Variants in GRK1 observed in about 807,000 individuals in gnomAD.
GRK1 encodes the protein G protein-coupled receptor kinase 1.
GRK1 carries 28 observed loss-of-function variants against 41.7 expected under a neutral mutation model. That is an observed-to-expected ratio of 0.67 (90% CI 0.50 to 0.92). GRK1 has a LOEUF of 0.92. GRK1 is among the 40% of genes least tolerant of loss of function. The pLI, the probability that GRK1 is intolerant of heterozygous loss-of-function variation, is 0.00. For missense variants in GRK1, 703 were observed against 671.2 expected (o/e 1.05, Z -0.52); for synonymous variants, 327 against 286.7 (o/e 1.14, Z -1.42).
At chr13:113,728,239 T>G (rs867595494) in intron 4 of GRK1, among the ~76,000 whole-genome samples, 29 of 53,046 alleles carry the variant, frequency 5.5e-4, no homozygotes, top group East Asian at 9.6e-4. Flanking sequence ...TGGCGAGGAG[T>G]ACCCATGGCG....
intron 4 of GRK1, among the ~76,000 whole-genome samples, chr13:113,727,966 G>GACCCATGGCGATGAGGAGT (rs1566696787): frequency 1.4e-4 from 9 of 63,080 alleles, no homozygotes; most frequent in Admixed American, 6.2e-4. Context: ...TGGTGATGAG[G>GACCCATGGCGATGAGGAGT]ACCCATGGCG....
At chr13:113,650,175 A>C in the GRK1 span, among the ~76,000 whole-genome samples, 1 of 152,132 alleles carries the variant, frequency 6.6e-6, no homozygotes, top group Non-Finnish European at 1.5e-5. The surrounding 1 kb of genome is among the most constrained non-coding windows in gnomAD (Gnocchi z 5.0). Context: ...TCTCAAAAAA[A>C]AAAAAAAAAG....
intron 4 of GRK1, among the ~76,000 whole-genome samples, chr13:113,727,303 A>G (rs1205325712): frequency 6.6e-6 from 1 of 152,248 alleles, no homozygotes; most frequent in African/African-American, 2.4e-5. Flanking sequence ...AAGAGGGCGG[A>G]GCACTCAGGG....
chr13:113,671,980 G>A lies in GRK1; in HGVS notation c.985+324G>A, dbSNP rs2049860628. Among the ~76,000 whole-genome samples, 1 of 152,026 alleles carries A rather than the reference G, an allele frequency of 6.6e-6. No individual in the cohort carries two copies. The highest frequency in any genetic ancestry group is 2.4e-5 in the African/African-American group (1 of 41,454). ...GGGTTTAGGCTCCCGACAGCGGCAGGTCAGGCAAGTGCGAGACACGTGCCA... is the reference window on the plus strand; with the variant it reads ...GGGTTTAGGCTCCCGACAGCGGCAGATCAGGCAAGTGCGAGACACGTGCCA... On this transcript the variant is annotated intron_variant, in intron 3 of 6. Transcript: ENST00000335678. The surrounding 1 kb of genome is among the most constrained non-coding windows in gnomAD (Gnocchi z 4.1).
At chr13:113,670,798 CG>C (rs113977327) in intron 2 of GRK1, among the ~76,000 whole-genome samples, 7 of 138,444 alleles carry the variant, frequency 5.1e-5, no homozygotes, top group Admixed American at 1.5e-4. Flanking sequence ...AACGCAGACA[CG>C]GGGGTGCCCA....
Position 113,667,432 on chromosome 13 carries a change from A to G in GRK1, c.46A>G (p.Ile16Val), listed in dbSNP as rs551401463. The G allele has an allele frequency of 6.2e-7, 1 of 1,604,024 alleles. No individual in the cohort carries two copies. Among genetic ancestry groups the G allele is most frequent in the African/African-American group, 1.3e-5 (1 of 74,742 alleles). Residue 16 changes from isoleucine (I) to valine (V), a missense_variant, in exon 1 of 7, where the codon ATC becomes GTC. Coordinates refer to ENST00000335678, the MANE Select transcript of GRK1 (RefSeq NM_002929.3). The surrounding 1 kb of genome is among the most constrained non-coding windows in gnomAD (Gnocchi z 7.5). ...LETVVANSAF[I>V]AARGSFDGSS... ...GACCGTGGTGGCCAACTCTGCCTTC[A>G]TCGCCGCCCGAGGCAGCTTTGACGG...
At chr13:113,657,609 G>A in the GRK1 span, among the ~76,000 whole-genome samples, 8 of 152,368 alleles carry the variant, frequency 5.3e-5, no homozygotes, top group East Asian at 7.7e-4. Flanking sequence ...CGGGTGTCCC[G>A]GAAAGGGGCT....
At chr13:113,648,292 CT>C in the GRK1 span, among the ~76,000 whole-genome samples, 25 of 152,342 alleles carry the variant, frequency 1.6e-4, 2 homozygotes, top group South Asian at 5.2e-3. Flanking sequence ...GGTTTTTAAT[CT>C]TTCTTCCAAG....
the GRK1 span, chr13:113,650,549 T>C: frequency 6.6e-7 from 1 of 1,521,588 alleles, no homozygotes; most frequent in Non-Finnish European, 9.0e-7. This position sits in a 1 kb window ranked among gnomAD's most constrained non-coding sequence, Gnocchi z 5.0. Context: ...CGGGAGCTGG[T>C]GTGTGCCGGT....
At chr13:113,733,996 G>C (rs2049980371) in intron 6 of GRK1, among the ~76,000 whole-genome samples, 1 of 130,200 alleles carries the variant, frequency 7.7e-6, no homozygotes, top group Non-Finnish European at 1.6e-5. Context: ...GTGCATACAT[G>C]TGTGTGCGTG....
At chr13:113,651,921 G>T in the GRK1 span, among the ~76,000 whole-genome samples, 1 of 152,184 alleles carries the variant, frequency 6.6e-6, no homozygotes, top group East Asian at 1.9e-4. Context: ...ATCATTCAGA[G>T]CCACAGCCCT....
At chr13:113,650,613 T>A in the GRK1 span, 1 of 761,796 alleles carries the variant, frequency 1.3e-6, no homozygotes, top group Non-Finnish European at 2.1e-6. The surrounding 1 kb of genome is among the most constrained non-coding windows in gnomAD (Gnocchi z 5.0). Context: ...TGTAGGTGCT[T>A]GCATAAACAC....
chr13:113,734,001 TGC>T (rs1194336287), intron 6 of GRK1, among the ~76,000 whole-genome samples: 5 of 136,222 alleles, frequency 3.7e-5, no homozygotes, highest in East Asian at 2.0e-4. Flanking sequence ...TACATGTGTG[TGC>T]GTGTGCGTGC....
chr13:113,733,748 CATGTGTGTGCGTGTGTAT>C (rs879562030), intron 6 of GRK1, among the ~76,000 whole-genome samples: 12,119 of 116,108 alleles, frequency 0.1, 928 homozygotes, highest in Middle Eastern at 0.28. Context: ...TGTGTGCATA[CATGTGTGTGCGTGTGTAT>C]GTGTGTGCAT....
At position 113,671,452 on chromosome 13, in the gene GRK1, C is replaced by T. The variant is rs1207873916; in HGVS notation, c.828-47C>T. ...CCAGCTCTGTCTTTCCATGATTTTA[C>T]TCCCCATTAAACCCGGGGTGCATGG... On this transcript the variant is annotated intron_variant, in intron 2 of 6. Transcript: ENST00000335678. The surrounding 1 kb of genome is among the most constrained non-coding windows in gnomAD (Gnocchi z 4.1). 2.6e-6 allele frequency: 2 copies of T among 774,346 alleles called. No homozygotes were observed. The highest frequency in any genetic ancestry group is 4.8e-6 in the Non-Finnish European group (2 of 417,438). The allele number at this position is 774,346 out of a possible 1,614,324, so 48.0% of individuals were successfully genotyped here.
intron 1 of GRK1, 148 bp from the exon 2 acceptor site, chr13:113,669,539 A>T: frequency 1.1e-6 from 1 of 898,268 alleles, no homozygotes. Context: ...GTCATTTGCA[A>T]TTGCTTTGTG....
At chr13:113,650,881 G>A in the GRK1 span, among the ~76,000 whole-genome samples, 9 of 152,116 alleles carry the variant, frequency 5.9e-5, no homozygotes, top group Non-Finnish European at 1.3e-4. The surrounding 1 kb of genome is among the most constrained non-coding windows in gnomAD (Gnocchi z 5.0). Flanking sequence ...TGGGGCAAGC[G>A]AATGCGTTTT....
At chr13:113,657,979 C>T in the GRK1 span, 23 of 1,424,186 alleles carry the variant, frequency 1.6e-5, no homozygotes, top group African/African-American at 4.2e-5. Context: ...CTGGAGGCTG[C>T]GTCCTCAGAG....
intron 4 of GRK1, among the ~76,000 whole-genome samples, chr13:113,726,892 G>A (rs556274992): frequency 1.5e-4 from 23 of 152,302 alleles, no homozygotes; most frequent in African/African-American, 5.5e-4. Flanking sequence ...CAACTCTTTT[G>A]GGGAAAAAGG....
Sources: gnomAD v4.1 joint callset for allele counts (sites outside exome capture counted in the v4.1 genomes callset) on GRCh38, gnomAD v4.1.1 for gene constraint, Gnocchi (gnomAD v3.1) non-coding constraint, MANE v1.5 for transcripts, NCBI Gene and HGNC (gene_info 2026-07-23, HGNC 2026-07-21) for gene names.